The following OPRM1 variants were observed in gnomAD, a reference collection of about 807,000 sequenced individuals.
OPRM1 encodes opioid receptor mu 1.
OPRM1 carries 27 observed loss-of-function variants against 31.8 expected under a neutral mutation model. That is an observed-to-expected ratio of 0.85 (90% confidence interval 0.63 to 1.17). The LOEUF (loss-of-function observed/expected upper bound fraction) is 1.17. Among genes scored for constraint, OPRM1 ranks in the 50% most tolerant of loss-of-function variants. The pLI is 0.00. For synonymous variants in OPRM1, 196 were observed against 189.9 expected (o/e 1.03, Z -0.26); for missense variants, 536 against 511.1 (o/e 1.05, Z -0.47).
At chr6:154,199,871 C>T in intron 3 of OPRM1, 1 of 1,614,164 alleles carries the variant, frequency 6.2e-7, no homozygotes, top group South Asian at 1.1e-5. Flanking sequence ...TATTGGTTGT[C>T]CCTCATCTTC....
intron 3 of OPRM1, among the ~76,000 whole-genome samples, chr6:154,165,164 G>A (rs1799326376): frequency 6.6e-6 from 1 of 152,084 alleles, no homozygotes; most frequent in East Asian, 1.9e-4. Context: ...CATACTCAGA[G>A]AAAAGTGCAC....
chr6:154,233,491 T>A (rs12213815), intron 3 of OPRM1, among the ~76,000 whole-genome samples: 2,268 of 152,300 alleles, frequency 0.015, 32 homozygotes, highest in Non-Finnish European at 0.024. Context: ...CCAGAGAGAC[T>A]TTTTTCTTAC....
intron 1 of OPRM1, among the ~76,000 whole-genome samples, chr6:154,075,131 A>C (rs905849434): frequency 2.6e-5 from 4 of 152,220 alleles, no homozygotes; most frequent in African/African-American, 9.6e-5. Flanking sequence ...ATAGAATAAG[A>C]GTTTTCATCA....
chr6:154,106,815 A>G (rs1795647557), intron 3 of OPRM1, among the ~76,000 whole-genome samples: 2 of 152,132 alleles, frequency 1.3e-5, no homozygotes, highest in Non-Finnish European at 2.9e-5. Flanking sequence ...AGATTGAACA[A>G]TTTTCAAAAG....
intron 3 of OPRM1, among the ~76,000 whole-genome samples, chr6:154,114,972 A>C (rs944807775): frequency 6.6e-6 from 1 of 152,164 alleles, no homozygotes; most frequent in Non-Finnish European, 1.5e-5. Context: ...TGGCTCTTCC[A>C]ATCAAAAAAA....
intron 3 of OPRM1, among the ~76,000 whole-genome samples, chr6:154,171,384 G>C (rs148846982): frequency 1.3e-5 from 2 of 152,092 alleles, no homozygotes; most frequent in African/African-American, 4.8e-5. Context: ...CACATATTGC[G>C]TGATTCCATT....
chr6:154,152,183 GAA>G (rs1270398115), intron 3 of OPRM1, among the ~76,000 whole-genome samples: 10 of 85,366 alleles, frequency 1.2e-4, no homozygotes, highest in South Asian at 2.9e-4. Flanking sequence ...AAAAAAAAAA[GAA>G]AGAGAGAGAG....
chr6:154,241,251 A>G (rs1780564485), intron 3 of OPRM1, among the ~76,000 whole-genome samples: 2 of 151,694 alleles, frequency 1.3e-5, no homozygotes, highest in South Asian at 2.1e-4. Context: ...AAAAAAAAAA[A>G]AAAGAGAGAG....
chr6:154,139,027 C>T (rs371820999), intron 3 of OPRM1, among the ~76,000 whole-genome samples: 20 of 152,224 alleles, frequency 1.3e-4, no homozygotes, highest in African/African-American at 4.3e-4. Context: ...CCAATCAGCA[C>T]TCCCTGACTC....
At chr6:154,157,826 A>G (rs933318421) in intron 3 of OPRM1, 2 of 152,254 alleles carry the variant, frequency 1.3e-5, no homozygotes, top group African/African-American at 4.8e-5. Context: ...TAATCACAGA[A>G]AGAATCAGTA....
intron 1 of OPRM1, among the ~76,000 whole-genome samples, chr6:154,081,317 C>T (rs1053095856): frequency 6.6e-6 from 1 of 152,168 alleles, no homozygotes; most frequent in Non-Finnish European, 1.5e-5. Context: ...TCCTTGCTAA[C>T]ACAGGGAAAC....
chr6:154,114,067 C>T (rs1364289763), intron 3 of OPRM1, among the ~76,000 whole-genome samples: 5 of 152,162 alleles, frequency 3.3e-5, no homozygotes, highest in South Asian at 2.1e-4. Context: ...CACTGACCCA[C>T]GTGTCACCTG....
intron 3 of OPRM1, among the ~76,000 whole-genome samples, chr6:154,239,528 G>A (rs1258493985): frequency 6.6e-6 from 1 of 152,168 alleles, no homozygotes; most frequent in Non-Finnish European, 1.5e-5. Context: ...TTTGATCCAT[G>A]AGTCATTGTC....
rs374435674 is a variant in OPRM1, at chr6:154,178,783, T to C, written c.1165-67910T>C. 7.2e-5 allele frequency among the ~76,000 whole-genome samples: 11 copies of C among 152,226 alleles called. No homozygotes were observed. In the East Asian group the frequency reaches 1.5e-3, roughly 21 times the overall value. ...TAAAGCTGTTCAGAAAATGAGGAAA[T>C]AATGAAAGGCAAATTATCACTCAGC... On this transcript the variant is annotated intron_variant, in intron 3 of 3. Transcript: ENST00000337049.
chr6:154,153,237 A>G (rs754258201), intron 3 of OPRM1, among the ~76,000 whole-genome samples: 1 of 152,178 alleles, frequency 6.6e-6, no homozygotes, highest in Non-Finnish European at 1.5e-5. Flanking sequence ...GGATATTTGA[A>G]AGGGAGATTT....
intron 3 of OPRM1, among the ~76,000 whole-genome samples, chr6:154,175,234 T>C (rs1294397075): frequency 1.3e-5 from 2 of 152,070 alleles, no homozygotes; most frequent in African/African-American, 2.4e-5. Context: ...AGATCTAAAA[T>C]TGACACCCTA....
At chr6:154,136,652 C>A (rs576498772), downstream of OPRM1, among the ~76,000 whole-genome samples, 36 of 152,256 alleles carry the variant, frequency 2.4e-4, no homozygotes, top group African/African-American at 7.5e-4. Context: ...ACAGACAGTG[C>A]CCAAGACAGT....
rs534533813 is a variant in OPRM1, at chr6:154,213,494, C to T, written c.1165-33199C>T. On this transcript the variant is annotated intron_variant, in intron 3 of 3. Coordinates refer to the OPRM1 transcript ENST00000337049. ...ACACCACCGATTTCATGGTATTGCA[C>T]GGTACCCCTTTACTGTTTCAAATCA... Among the ~76,000 whole-genome samples, 19 of 152,308 alleles carry T rather than the reference C, an allele frequency of 1.2e-4. No individual in the cohort carries two copies. The East Asian group carries it at 1.9e-3, about 15-fold the overall frequency.
chr6:154,149,191 T>C (rs1239938506), intron 3 of OPRM1, among the ~76,000 whole-genome samples: 1 of 152,126 alleles, frequency 6.6e-6, no homozygotes, highest in Non-Finnish European at 1.5e-5. Context: ...TGGGGAGGCC[T>C]CAGGAAACTT....
Sources: allele counts gnomAD v4.1 joint callset (sites outside exome capture counted in the v4.1 genomes callset), GRCh38; gene constraint gnomAD v4.1.1; transcripts MANE v1.5; gene names NCBI Gene and HGNC (gene_info 2026-07-23, HGNC 2026-07-21).